USP12: variants seen among roughly 807,000 people sequenced by gnomAD.
The protein encoded by USP12 is ubiquitin carboxyl-terminal hydrolase 12.
In USP12, 19 loss-of-function variants were observed where a neutral mutation model predicts 45.5. The observed-to-expected ratio is 0.42, with a 90% confidence interval of 0.29 to 0.61. USP12 has a LOEUF of 0.61. Ranked by LOEUF, USP12 falls within the 20% of genes least tolerant of loss-of-function variation. The probability of loss-of-function intolerance (pLI) is 0.22; values close to 1 mark genes in which losing one functional copy is unlikely to be tolerated. For synonymous variants in USP12, 149 were observed against 148.8 expected (o/e 1.00, Z -0.01); for missense variants, 242 against 447.7 (o/e 0.54, Z 4.15).
intron 4 of USP12, among the ~76,000 whole-genome samples, chr13:27,092,626 C>T (rs894363208): frequency 2.0e-5 from 3 of 152,138 alleles, no homozygotes; most frequent in African/African-American, 7.2e-5. Flanking sequence ...AAAGAATTGT[C>T]TTTTAAACAA....
At chr13:27,099,353 TC>T (rs1283101484) in intron 3 of USP12, among the ~76,000 whole-genome samples, 2 of 152,184 alleles carry the variant, frequency 1.3e-5, no homozygotes, top group African/African-American at 4.8e-5. Flanking sequence ...TGTTACACAT[TC>T]CTTTATTTTT....
intron 1 of USP12, among the ~76,000 whole-genome samples, chr13:27,128,181 G>C (rs1415570682): frequency 6.6e-6 from 1 of 152,036 alleles, no homozygotes; most frequent in Non-Finnish European, 1.5e-5. Flanking sequence ...AAAAATAAAC[G>C]AACGAAAAAC....
intron 3 of USP12, 51 bp downstream of exon 3, chr13:27,105,680 C>G (rs1245095186): frequency 1.3e-6 from 2 of 1,539,090 alleles, no homozygotes; most frequent in Non-Finnish European, 1.8e-6. Flanking sequence ...TTATGGCACA[C>G]TATATTTAAC....
intron 4 of USP12, among the ~76,000 whole-genome samples, chr13:27,090,870 C>T (rs1047397855): frequency 4.6e-5 from 7 of 152,128 alleles, no homozygotes; most frequent in African/African-American, 1.2e-4. Context: ...AGTTGTTCAT[C>T]GAACAACTCA....
intron 1 of USP12, among the ~76,000 whole-genome samples, chr13:27,143,024 C>T (rs1029113522): frequency 1.3e-4 from 19 of 149,510 alleles, no homozygotes; most frequent in African/African-American, 4.4e-4. Context: ...ACTGGGGAGG[C>T]GGAGGTTGCA....
chr13:27,078,501 CAG>C (rs537952455), intron 6 of USP12, among the ~76,000 whole-genome samples: 339 of 151,806 alleles, frequency 2.2e-3, no homozygotes, highest in Middle Eastern at 0.01. Flanking sequence ...TCTAACATAA[CAG>C]GGGGTTGCCT....
intron 6 of USP12, among the ~76,000 whole-genome samples, chr13:27,086,191 A>ATATATATAT (rs1555233222): frequency 4.9e-3 from 357 of 72,338 alleles, no homozygotes; most frequent in Non-Finnish European, 7.5e-3. Flanking sequence ...AAAAAAAAAA[A>ATATATATAT]AAAAAAATAT....
chr13:27,083,033 C>T (rs1873836848), intron 6 of USP12, among the ~76,000 whole-genome samples: 1 of 152,124 alleles, frequency 6.6e-6, no homozygotes, highest in South Asian at 2.1e-4. Context: ...TGGGGTTTCA[C>T]CATGTTGGTC....
At chr13:27,107,836 C>T (rs1373552895) in intron 2 of USP12, among the ~76,000 whole-genome samples, 1 of 152,084 alleles carries the variant, frequency 6.6e-6, no homozygotes, top group Non-Finnish European at 1.5e-5. Context: ...CAATGAGATA[C>T]CATCTCACAC....
rs1459092282 is a variant in USP12, at chr13:27,067,208, A to G, written c.*2075T>C. 1 of 152,184 alleles carries G rather than the reference A, an allele frequency of 6.6e-6. No homozygotes were observed. The highest frequency in any genetic ancestry group is 2.4e-5 in the African/African-American group (1 of 41,438). The allele number at this position is 152,184 out of a possible 1,614,324, so 9.4% of individuals were successfully genotyped here. A position where few individuals can be genotyped will look rare whatever the true frequency, so the allele number is the denominator to read the frequency against. ...TACCTTTATGCAAATGACTTCATCTATCTTTCTTAAACATGTTGATATAGC... is the reference window on the plus strand; with the variant it reads ...TACCTTTATGCAAATGACTTCATCTGTCTTTCTTAAACATGTTGATATAGC... On this transcript the variant is annotated 3_prime_UTR_variant, in exon 9 of 9. Transcript: ENST00000282344.
At chr13:27,116,128 C>T (rs759330334) in intron 2 of USP12, among the ~76,000 whole-genome samples, 3 of 151,824 alleles carry the variant, frequency 2.0e-5, no homozygotes, top group Admixed American at 6.6e-5. Flanking sequence ...CTGGCTAACA[C>T]GGTGAAACCC....
chr13:27,130,663 T>C (rs1268060718), intron 1 of USP12, among the ~76,000 whole-genome samples: 1 of 151,654 alleles, frequency 6.6e-6, no homozygotes, highest in Non-Finnish European at 1.5e-5. Flanking sequence ...TAGTCAAAGG[T>C]ATTATTAAAT....
intron 1 of USP12, among the ~76,000 whole-genome samples, chr13:27,152,742 A>G (rs914430357): frequency 2.0e-5 from 3 of 151,944 alleles, no homozygotes; most frequent in African/African-American, 7.3e-5. Context: ...GGAGATAGAG[A>G]CCATCCTGGT....
At chr13:27,124,912 C>T (rs1301147335) in intron 1 of USP12, among the ~76,000 whole-genome samples, 2 of 152,194 alleles carry the variant, frequency 1.3e-5, no homozygotes, top group Non-Finnish European at 2.9e-5. Context: ...ACACATTATA[C>T]AATGAGTTTG....
intron 1 of USP12, among the ~76,000 whole-genome samples, chr13:27,166,331 C>T (rs1878343633): frequency 6.6e-6 from 1 of 152,204 alleles, no homozygotes; most frequent in East Asian, 1.9e-4. Context: ...TATACAAATG[C>T]TTAAAAGATA....
At chr13:27,145,143 T>C (rs1471284406) in intron 1 of USP12, among the ~76,000 whole-genome samples, 3 of 152,180 alleles carry the variant, frequency 2.0e-5, no homozygotes, top group African/African-American at 7.2e-5. Flanking sequence ...TCACTGAACC[T>C]CCTCCTTTCC....
At chr13:27,083,470 C>G (rs1873858053) in intron 6 of USP12, among the ~76,000 whole-genome samples, 1 of 150,196 alleles carries the variant, frequency 6.7e-6, no homozygotes, top group Non-Finnish European at 1.5e-5. Context: ...CAGCCAGGGA[C>G]AGGAAAACAA....
intron 1 of USP12, among the ~76,000 whole-genome samples, chr13:27,157,516 C>T (rs1434861753): frequency 1.3e-5 from 2 of 152,078 alleles, no homozygotes; most frequent in Non-Finnish European, 2.9e-5. Flanking sequence ...TTTTTAACAA[C>T]ATATACATGC....
chr13:27,109,516 A>T (rs1403258039), intron 2 of USP12, among the ~76,000 whole-genome samples: 1 of 152,082 alleles, frequency 6.6e-6, no homozygotes, highest in African/African-American at 2.4e-5. Flanking sequence ...TTTCTCCACA[A>T]ATTGATGACT....
Sources: allele counts gnomAD v4.1 joint callset (sites outside exome capture counted in the v4.1 genomes callset), GRCh38; gene constraint gnomAD v4.1.1; transcripts MANE v1.5; gene names NCBI Gene and HGNC (gene_info 2026-07-23, HGNC 2026-07-21).